The following KRT35 variants were observed in gnomAD, a reference collection of about 807,000 sequenced individuals.
The protein encoded by KRT35 is keratin 35, also known as keratin, type I cuticular Ha5.
A neutral mutation model predicts 42.2 loss-of-function variants in KRT35; 33 were observed. That is an observed-to-expected ratio of 0.78 (90% CI 0.59 to 1.05). The LOEUF is 1.05. Ranked by LOEUF, KRT35 falls within the 50% of genes least tolerant of loss-of-function variation. The pLI, the probability that KRT35 is intolerant of heterozygous loss-of-function variation, is 0.00. For synonymous variants in KRT35, 218 were observed against 238.2 expected (o/e 0.92, Z 0.78); for missense variants, 585 against 589.2 (o/e 0.99, Z 0.07).
chr17:41,479,607 C>G, intron 2 of KRT35, 92 bp downstream of exon 2: 1 of 1,565,076 alleles, frequency 6.4e-7, no homozygotes, highest in Non-Finnish European at 8.8e-7. Context: ...TTTTATGCCC[C>G]AATGACAGAG....
chr17:41,478,563 T>A, intron 4 of KRT35, 77 bp from the exon 5 acceptor site: 1 of 1,524,154 alleles, frequency 6.6e-7, no homozygotes. Context: ...CCGGTTAGAA[T>A]CATGAGCCAA....
chr17:41,477,034 T>C lies in KRT35; in HGVS notation c.*22A>G. On this transcript the variant is annotated 3_prime_UTR_variant, in exon 7 of 7. Coordinates refer to ENST00000246639, the MANE Select transcript of KRT35 (RefSeq NM_002280.6). ...GTTCAAGCCCTGGAGACAATAGCCA[T>C]GGCCATCTGGGTCACCCGCTCTCAG... The C allele has an allele frequency of 6.5e-7, 1 of 1,539,668 alleles. No individual in the cohort carries two copies. The highest frequency in any genetic ancestry group is 8.7e-7 in the Non-Finnish European group (1 of 1,149,552).
intron 4 of KRT35, 31 bp from the exon 5 acceptor site, chr17:41,478,517 C>T (rs1488586562): frequency 5.0e-6 from 8 of 1,606,234 alleles, no homozygotes; most frequent in Non-Finnish European, 6.8e-6. Flanking sequence ...ACCTGGTCAG[C>T]CACACCAGGG....
intron 4 of KRT35, 88 bp from the exon 5 acceptor site, chr17:41,478,574 G>T: frequency 6.7e-7 from 1 of 1,486,662 alleles, no homozygotes; most frequent in Non-Finnish European, 9.2e-7. Flanking sequence ...CATGAGCCAA[G>T]AAAGACATTC....
At position 41,478,503 on chromosome 17, in the gene KRT35, C is replaced by T. The variant is rs2019211787; in HGVS notation, c.874-17G>A. 2.5e-6 allele frequency: 4 copies of T among 1,611,234 alleles called. No individual in the cohort carries two copies. Among genetic ancestry groups the T allele is most frequent in the Non-Finnish European group, 2.5e-6 (3 of 1,178,238 alleles). On this transcript the variant is annotated splice_polypyrimidine_tract_variant and intron_variant, in intron 4 of 6. Transcript: ENST00000246639. ...CTCCTCACTCTGAAACATACACACA[C>T]AGAACCTGGTCAGCCACACCAGGGA...
chr17:41,478,533 G>C, intron 4 of KRT35, 47 bp from the exon 5 acceptor site: 2 of 1,597,342 alleles, frequency 1.3e-6, no homozygotes, highest in South Asian at 2.2e-5. Context: ...CAGGGACTTG[G>C]CTTCAGAGAG....
In KRT35 at chr17:41,478,439, C is replaced by A; in HGVS notation, c.921G>T (p.Gln307His). ...QQVVSSSEQLQSCQAEIIELR... is the reference protein window; with the variant it reads ...QQVVSSSEQLHSCQAEIIELR... ...GCTCGATGATCTCTGCCTGGCAGGA[C>A]TGCAACTGCTCTGAGCTGGACACCA... The change falls in exon 5 of 7, where the codon CAG becomes CAT. Residue 307 changes from glutamine (Q) to histidine (H), a missense_variant. Transcript: ENST00000246639. 6.2e-7 allele frequency: 1 copy of A among 1,614,152 alleles called. No homozygotes were observed. Among genetic ancestry groups the A allele is most frequent in the South Asian group, 1.1e-5 (1 of 91,084 alleles).
In KRT35 at chr17:41,477,117, G is replaced by A. The variant is rs1396466954; in HGVS notation, c.1307C>T (p.Ala436Val). Residue 436 changes from alanine (A) to valine (V), a missense_variant, in exon 7 of 7, where the codon GCA (alanine) becomes GTA (valine). Coordinates refer to ENST00000246639, the MANE Select transcript of KRT35 (RefSeq NM_002280.6). ...CLPAASCGPS[A>V]ARTNCSPRPI... ...GCGGGGGCTGCAGTTTGTGCGGGCT[G>A]CACTAGGACCGCAGGAGGCCGCAGG... The A allele has an allele frequency of 1.2e-6, 2 of 1,612,050 alleles. No individual in the cohort carries two copies. Among genetic ancestry groups the A allele is most frequent in the East Asian group, 2.2e-5 (1 of 44,866 alleles).
Position 41,481,149 on chromosome 17 carries a change from A to C in KRT35, c.-52T>G. 1.5e-6 allele frequency: 2 copies of C among 1,298,006 alleles called. No homozygotes were observed. Among genetic ancestry groups the C allele is most frequent in the Non-Finnish European group, 2.1e-6 (2 of 932,200 alleles). 80.4% of individuals were successfully genotyped at this position (1,298,006 alleles called of 1,614,324 possible). On this transcript the variant is annotated 5_prime_UTR_variant, in exon 1 of 7. Transcript: ENST00000246639. ...TAGGTCTCTGAGGCCAGACACCCCA[A>C]AGCAGAGAAGCAGCTCCTTACCCCA...
chr17:41,479,312 T>C, intron 3 of KRT35, 35 bp downstream of exon 3: 1 of 1,589,112 alleles, frequency 6.3e-7, no homozygotes, highest in Non-Finnish European at 8.6e-7. Context: ...CATGCTCACC[T>C]GCTGTGCCGT....
chr17:41,479,559 G>A (rs2019227026), intron 2 of KRT35, 56 bp from the exon 3 acceptor site: 2 of 1,595,494 alleles, frequency 1.3e-6, no homozygotes, highest in Admixed American at 3.4e-5. Flanking sequence ...ATCTAAGTCA[G>A]GCCTGCCCTC....
intron 5 of KRT35, 96 bp downstream of exon 5, chr17:41,478,265 C>A: frequency 7.1e-7 from 1 of 1,404,960 alleles, no homozygotes. Context: ...ACATGGACCC[C>A]TGGAGTCCGC....
rs1044733911 is a variant in KRT35, at chr17:41,479,580, G to C, written c.555-77C>G. 7 of 1,577,096 alleles carry C rather than the reference G, an allele frequency of 4.4e-6. No homozygotes were observed. In the African/African-American group the frequency reaches 6.7e-5, roughly 15 times the overall value. On this transcript the variant is annotated intron_variant, in intron 2 of 6. Coordinates refer to ENST00000246639, the MANE Select transcript of KRT35 (RefSeq NM_002280.6). ...GTCAGGCCTGCCCTCAGACTGTCCA[G>C]GTGCTGTGAGTCCTGCTTTTATGCC...
In KRT35 at chr17:41,479,327, A is replaced by G; in HGVS notation, c.711+20T>C. ...CATGCTCACCTGCTGTGCCGTGTTC[A>G]CCTTTTCCCCCATGCTCACCTCCTC... On this transcript the variant is annotated intron_variant, in intron 3 of 6. Coordinates refer to ENST00000246639, the MANE Select transcript of KRT35 (RefSeq NM_002280.6). The G allele has an allele frequency of 6.3e-7, 1 of 1,589,444 alleles. No individual in the cohort carries two copies. Among genetic ancestry groups the G allele is most frequent in the Non-Finnish European group, 8.5e-7 (1 of 1,171,588 alleles).
rs1163334715 is a variant in KRT35 at position 41,480,905 on chromosome 17, T to G, written c.193A>C (p.Ser65Arg). Residue 65 changes from serine (S) to arginine (R), a missense_variant, in exon 1 of 7, where the codon AGC (serine) becomes CGC (arginine). Coordinates refer to ENST00000246639, the MANE Select transcript of KRT35 (RefSeq NM_002280.6). Reference sequence around the variant, plus strand: ...GGGAGGCAGAGAGCAGGGAGGCAGCTGGTGGCCCTGTAGCTGCTTCTGCCC... The same window carrying G: ...GGGAGGCAGAGAGCAGGGAGGCAGCGGGTGGCCCTGTAGCTGCTTCTGCCC... ...GLGRSSYRAT[S>R]CLPALCLPAG... The G allele has an allele frequency of 1.9e-6, 3 of 1,614,198 alleles. No individual in the cohort carries two copies. The highest frequency in any genetic ancestry group is 2.2e-5 in the South Asian group (2 of 91,084).
Position 41,477,119 on chromosome 17 carries a change from A to G in KRT35, c.1305T>C (p.Ser435=). 6.2e-7 allele frequency: 1 copy of G among 1,612,272 alleles called. No individual in the cohort carries two copies. Among genetic ancestry groups the G allele is most frequent in the Non-Finnish European group, 8.5e-7 (1 of 1,179,190 alleles). Residue 435 remains serine (S), a synonymous_variant, in exon 7 of 7, where the codon AGT becomes AGC. Coordinates refer to ENST00000246639, the MANE Select transcript of KRT35 (RefSeq NM_002280.6). ...PCLPAASCGP[S]AARTNCSPRP... is the part of the protein sequence containing the mutation. ...GGGGGCTGCAGTTTGTGCGGGCTGC[A>G]CTAGGACCGCAGGAGGCCGCAGGAA...
intron 1 of KRT35, among the ~76,000 whole-genome samples, 182 bp downstream of exon 1, chr17:41,480,443 TCA>T (rs1247577584): frequency 6.6e-6 from 1 of 152,134 alleles, no homozygotes; most frequent in African/African-American, 2.4e-5. Context: ...AGCCTGAATC[TCA>T]GTGTTCTCAA....
intron 3 of KRT35, 90 bp downstream of exon 3, chr17:41,479,257 C>T (rs1460830230): frequency 7.8e-7 from 1 of 1,283,472 alleles, no homozygotes; most frequent in African/African-American, 3.2e-5. Flanking sequence ...CCTATGCTCA[C>T]CTCATCCCCA....
At position 41,478,355 on chromosome 17, in the gene KRT35, G is replaced by C. The variant is rs1203160689; in HGVS notation, c.999+6C>G. The C allele has an allele frequency of 6.2e-7, 1 of 1,612,280 alleles. No individual in the cohort carries two copies. The highest frequency in any genetic ancestry group is 8.5e-7 in the Non-Finnish European group (1 of 1,179,560). On this transcript the variant is annotated splice_donor_region_variant and intron_variant, in intron 5 of 6. Transcript: ENST00000246639. ...AGAGGCAGCTCCACCCTGCCTTGGG[G>C]CTCACCATGCTGTGCTGAGCCTGCA...
Sources: allele counts gnomAD v4.1 joint callset (sites outside exome capture counted in the v4.1 genomes callset), GRCh38; gene constraint gnomAD v4.1.1; transcripts MANE v1.5; gene names NCBI Gene and HGNC (gene_info 2026-07-23, HGNC 2026-07-21).